PLAAT3: variants seen among roughly 807,000 people sequenced by gnomAD.
PLAAT3 encodes the protein Ca-independent phospholipase A1/2.
PLAAT3 carries 21 observed loss-of-function variants against 16.7 expected under a neutral mutation model. The observed-to-expected ratio is 1.26, with a 90% CI of 0.89 to 1.81. PLAAT3 has a LOEUF of 1.81. Among genes scored for constraint, PLAAT3 ranks in the 40% most tolerant of loss-of-function variants. PLAAT3 has a pLI of 0.00. For synonymous variants in PLAAT3, 76 were observed against 81.7 expected (o/e 0.93, Z 0.38); for missense variants, 219 against 213.7 (o/e 1.02, Z -0.16).
At chr11:63,575,735 G>T (rs1410015488) in intron 4 of PLAAT3, among the ~76,000 whole-genome samples, 2 of 152,100 alleles carry the variant, frequency 1.3e-5, no homozygotes, top group Non-Finnish European at 2.9e-5. Context: ...TTTGTTTAAG[G>T]CATAATTCCA....
upstream of PLAAT3, among the ~76,000 whole-genome samples, chr11:63,614,737 C>T (rs891131588): frequency 6.6e-6 from 1 of 151,772 alleles, no homozygotes; most frequent in Admixed American, 6.6e-5. Context: ...CACCAAGGGC[C>T]GGGCGCGGTG....
At chr11:63,599,045 A>C (rs1468391590) in intron 2 of PLAAT3, among the ~76,000 whole-genome samples, 1 of 152,192 alleles carries the variant, frequency 6.6e-6, no homozygotes, top group Non-Finnish European at 1.5e-5. Flanking sequence ...ATCCACGTCC[A>C]TTCAGCATTA....
At chr11:63,606,977 T>G (rs1399797788) in intron 2 of PLAAT3, among the ~76,000 whole-genome samples, 2 of 151,466 alleles carry the variant, frequency 1.3e-5, no homozygotes, top group Non-Finnish European at 2.9e-5. Context: ...AGATGAGATG[T>G]AGGGTGCAAG....
At chr11:63,575,073 A>G in intron 4 of PLAAT3, 27 bp from the exon 5 acceptor site, 1 of 1,440,714 alleles carries the variant, frequency 6.9e-7, no homozygotes. Context: ...GGTGGGTCAC[A>G]CTCTGTGTCA....
chr11:63,591,432 C>T (rs554551214), intron 3 of PLAAT3, among the ~76,000 whole-genome samples: 2 of 152,068 alleles, frequency 1.3e-5, no homozygotes, highest in African/African-American at 2.4e-5. Flanking sequence ...GATGGGCCTA[C>T]GCACCCAGGG....
chr11:63,598,043 G>A lies in PLAAT3; in HGVS notation c.118+18C>T. On this transcript the variant is annotated intron_variant, in intron 3 of 4. Coordinates refer to ENST00000415826, the MANE Select transcript of PLAAT3 (RefSeq NM_001128203.2). ...AGCCCCTGGGGCCCATCACAGTGGA[G>A]GTCCCATGTGTTCTTACTTGGAGGG... 6.6e-7 allele frequency: 1 copy of A among 1,514,974 alleles called. No individual in the cohort carries two copies. Among genetic ancestry groups the A allele is most frequent in the South Asian group, 1.1e-5 (1 of 89,032 alleles). 93.8% of individuals were successfully genotyped at this position (1,514,974 alleles called of 1,614,324 possible). A position where few individuals can be genotyped will look rare whatever the true frequency, so the allele number is the denominator to read the frequency against.
upstream of PLAAT3, chr11:63,616,601 T>C (rs1938879255): frequency 6.6e-6 from 1 of 152,068 alleles, no homozygotes; most frequent in South Asian, 2.1e-4. Context: ...CTTTGTCCAA[T>C]TCGGTGTAGA....
intron 2 of PLAAT3, among the ~76,000 whole-genome samples, chr11:63,602,052 C>T (rs549310088): frequency 1.5e-4 from 23 of 149,658 alleles, no homozygotes; most frequent in African/African-American, 5.2e-4. Context: ...CTTTGGGAGG[C>T]CGAGGCAGGC....
Position 63,598,176 on chromosome 11 carries a change from G to A in PLAAT3, c.16-13C>T, listed in dbSNP as rs1203737605. 1.3e-6 allele frequency: 2 copies of A among 1,585,154 alleles called. No homozygotes were observed. The highest frequency in any genetic ancestry group is 1.3e-5 in the African/African-American group (1 of 74,380). On this transcript the variant is annotated splice_polypyrimidine_tract_variant and intron_variant, in intron 2 of 4. Coordinates refer to ENST00000415826, the MANE Select transcript of PLAAT3 (RefSeq NM_001128203.2). ...GCTTAGGCTCTGGCTGCAAAACCAA[G>A]AACAGGGCTGTTAGAGGGAGCATGA...
At chr11:63,605,081 T>C (rs778074140) in intron 2 of PLAAT3, among the ~76,000 whole-genome samples, 3 of 152,078 alleles carry the variant, frequency 2.0e-5, no homozygotes, top group Non-Finnish European at 2.9e-5. Flanking sequence ...CAACATTTTA[T>C]CACGAAAAAT....
At chr11:63,615,196 G>GTA (rs1219362089), upstream of PLAAT3, among the ~76,000 whole-genome samples, 607 of 100,928 alleles carry the variant, frequency 6.0e-3, 29 homozygotes, top group African/African-American at 0.023. Context: ...ATATATGTGT[G>GTA]TATATATGTG....
At chr11:63,605,773 C>T (rs939683396) in intron 2 of PLAAT3, among the ~76,000 whole-genome samples, 2 of 152,020 alleles carry the variant, frequency 1.3e-5, no homozygotes, top group African/African-American at 4.8e-5. Flanking sequence ...AGGATGGTCT[C>T]GATCTCCTGA....
At chr11:63,600,582 T>A (rs1402085550) in intron 2 of PLAAT3, among the ~76,000 whole-genome samples, 1 of 130,338 alleles carries the variant, frequency 7.7e-6, no homozygotes, top group Non-Finnish European at 1.6e-5. Context: ...ATGGTTTTTT[T>A]GTTTTTTTTG....
intron 4 of PLAAT3, among the ~76,000 whole-genome samples, chr11:63,589,663 T>C (rs1460308876): frequency 6.6e-6 from 1 of 152,160 alleles, no homozygotes; most frequent in African/African-American, 2.4e-5. Flanking sequence ...CTGCTAATTA[T>C]CTGCACAGGA....
chr11:63,610,193 C>T (rs754696692), intron 2 of PLAAT3, among the ~76,000 whole-genome samples: 31 of 152,204 alleles, frequency 2.0e-4, no homozygotes, highest in African/African-American at 7.0e-4. Context: ...TCTGCCTCAC[C>T]GCACTCTCGG....
rs772346786 is a variant in PLAAT3 at position 63,590,058 on chromosome 11, T to C, written c.387+42A>G. The C allele has an allele frequency of 8.2e-6, 13 of 1,592,338 alleles. No individual in the cohort carries two copies. The South Asian group carries it at 1.5e-4, about 18-fold the overall frequency. The stretch of plus-strand genomic sequence containing the variant: ...GCCCAGCCTCCGTCAGCAGAGGGAA[T>C]GGTCTGGTTCCTGGGGAAGGCGACA... On this transcript the variant is annotated intron_variant, in intron 4 of 4. Transcript: ENST00000415826.
intron 2 of PLAAT3, among the ~76,000 whole-genome samples, chr11:63,600,714 T>G (rs1328085484): frequency 1.3e-5 from 2 of 151,578 alleles, no homozygotes; most frequent in Non-Finnish European, 2.9e-5. Flanking sequence ...GCGATTCTCC[T>G]GCCTCAGCCT....
At chr11:63,611,481 C>T (rs1364273788) in intron 2 of PLAAT3, among the ~76,000 whole-genome samples, 2 of 152,090 alleles carry the variant, frequency 1.3e-5, no homozygotes, top group Non-Finnish European at 2.9e-5. Context: ...ATTTCTTATC[C>T]TTCTAAAACT....
At position 63,590,354 on chromosome 11, in the gene PLAAT3, C is replaced by T. The variant is rs140193495; in HGVS notation, c.133G>A (p.Ala45Thr). Residue 45 changes from alanine to threonine, a missense_variant, in exon 4 of 5, where the codon GCT becomes ACT. Ala to Thr is a moderately conservative substitution (Grantham distance 58, BLOSUM62 0). Transcript: ENST00000415826. ...GCGGACATGACACTGGCTGCACCAG[C>T]TCCTGCGACCTCACCTGCAGATCCA... ...HLAPPSEVAG[A>T]GAASVMSALT... The T allele has an allele frequency of 2.8e-5, 45 of 1,614,006 alleles. No homozygotes were observed. The highest frequency in any genetic ancestry group is 2.2e-4 in the Admixed American group (13 of 60,028).
Sources: allele counts gnomAD v4.1 joint callset (sites outside exome capture counted in the v4.1 genomes callset), GRCh38; gene constraint gnomAD v4.1.1; transcripts MANE v1.5; gene names NCBI Gene and HGNC (gene_info 2026-07-23, HGNC 2026-07-21).